DSG1: variants seen among roughly 807,000 people sequenced by gnomAD.
DSG1 encodes desmoglein 1, also known as desmoglein-1.
A neutral mutation model predicts 97.5 loss-of-function variants in DSG1; 39 were observed. The observed-to-expected ratio is 0.40, with a 90% CI of 0.31 to 0.52. The LOEUF is 0.52. DSG1 is among the 20% of genes least tolerant of loss of function. DSG1 has a pLI of 0.53. For missense variants in DSG1, 1,311 were observed against 1,295.4 expected (o/e 1.01, Z -0.18); for synonymous variants, 475 against 443.4 (o/e 1.07, Z -0.90).
intron 1 of DSG1, 84 bp downstream of exon 1, chr18:31,318,432 A>C: frequency 1.9e-6 from 2 of 1,048,858 alleles, no homozygotes; most frequent in Non-Finnish European, 3.0e-6. Flanking sequence ...AGTGGGCATT[A>C]TTTCTAACCT....
Position 31,355,082 on chromosome 18 carries a change from T to G in DSG1, c.2886T>G (p.Thr962=). ...GGGTTGTTTCTGGTGCTGGCGTAAC[T>G]GGAATTAGTGGCACCACTGGGATCA... ...TERVVSGAGV[T]GISGTTGISG... The change falls in exon 15 of 15, where the codon ACT becomes ACG. Residue 962 remains threonine, a synonymous_variant. Transcript: ENST00000257192. 6.2e-7 allele frequency: 1 copy of G among 1,614,134 alleles called. No homozygotes were observed. The highest frequency in any genetic ancestry group is 1.3e-5 in the African/African-American group (1 of 75,024).
chr18:31,326,772 A>G, intron 2 of DSG1, 102 bp from the exon 3 acceptor site: 3 of 1,444,692 alleles, frequency 2.1e-6, no homozygotes, highest in Non-Finnish European at 2.9e-6. Flanking sequence ...CCAATTAAAC[A>G]TCCTCTATTT....
chr18:31,320,418 T>A (rs1196016281), intron 1 of DSG1, among the ~76,000 whole-genome samples: 3 of 152,214 alleles, frequency 2.0e-5, no homozygotes, highest in African/African-American at 7.2e-5. Context: ...TAGTGTCTTT[T>A]AAGCAAATCT....
At chr18:31,327,553 A>G (rs1456184859) in intron 3 of DSG1, among the ~76,000 whole-genome samples, 1 of 152,086 alleles carries the variant, frequency 6.6e-6, no homozygotes, top group Non-Finnish European at 1.5e-5. Context: ...CCACACAGAC[A>G]CTCACAAATA....
intron 4 of DSG1, among the ~76,000 whole-genome samples, chr18:31,328,991 T>C (rs994537903): frequency 1.3e-5 from 2 of 152,146 alleles, no homozygotes; most frequent in Non-Finnish European, 2.9e-5. Flanking sequence ...GCAGTTGACC[T>C]TGTGACCAAC....
At chr18:31,328,772 A>T (rs7231346) in intron 4 of DSG1, among the ~76,000 whole-genome samples, 62,670 of 151,646 alleles carry the variant, frequency 0.41, 14,189 homozygotes, top group Non-Finnish European at 0.5. Context: ...AGGTCTAATG[A>T]CAAGTAAATG....
intron 1 of DSG1, among the ~76,000 whole-genome samples, chr18:31,318,813 A>T (rs1260810226): frequency 1.3e-5 from 2 of 152,086 alleles, no homozygotes; most frequent in Non-Finnish European, 2.9e-5. Context: ...AAATCGTAGC[A>T]GTTTGTGGCT....
intron 14 of DSG1, among the ~76,000 whole-genome samples, chr18:31,351,536 G>A (rs1450395747): frequency 6.6e-6 from 1 of 151,512 alleles, no homozygotes; most frequent in Non-Finnish European, 1.5e-5. Flanking sequence ...TTGACTTTCT[G>A]TCTCGTTGAT....
chr18:31,354,950 A>C lies in DSG1; in HGVS notation c.2754A>C (p.Ser918=). The change falls in exon 15 of 15, where the codon TCA becomes TCC. Residue 918 remains serine (S), a synonymous_variant. Transcript: ENST00000257192. ...SLTIHHPRES[S]NVVVTERVIQ... The stretch of plus-strand genomic sequence containing the variant: ...CTATCCATCATCCTAGAGAGTCTTC[A>C]AATGTGGTAGTGACAGAAAGAGTAA... 1 of 1,614,204 alleles carries C rather than the reference A, an allele frequency of 6.2e-7. No individual in the cohort carries two copies. The highest frequency in any genetic ancestry group is 8.5e-7 in the Non-Finnish European group (1 of 1,180,040).
intron 8 of DSG1, 141 bp downstream of exon 8, chr18:31,334,343 A>G: frequency 3.4e-6 from 2 of 588,450 alleles, no homozygotes; most frequent in Non-Finnish European, 5.9e-6. Context: ...TATATATAAC[A>G]TAGAGCTTTT....
intron 3 of DSG1, 144 bp downstream of exon 3, chr18:31,327,149 T>A: frequency 9.0e-7 from 1 of 1,107,514 alleles, no homozygotes; most frequent in Non-Finnish European, 1.3e-6. Flanking sequence ...TGATGAAAAC[T>A]GAAACTCATA....
At chr18:31,340,493 A>G (rs2071782094) in intron 11 of DSG1, among the ~76,000 whole-genome samples, 1 of 151,714 alleles carries the variant, frequency 6.6e-6, no homozygotes, top group South Asian at 2.1e-4. Context: ...CTCTAATCCC[A>G]GCTACTAAAG....
intron 9 of DSG1, among the ~76,000 whole-genome samples, chr18:31,337,265 T>C (rs577851207): frequency 6.6e-6 from 1 of 152,216 alleles, no homozygotes; most frequent in Non-Finnish European, 1.5e-5. Context: ...TTGTTGTTTG[T>C]TTGTTTTTTG....
At chr18:31,339,467 T>A (rs1292673983) in intron 10 of DSG1, among the ~76,000 whole-genome samples, 1 of 151,988 alleles carries the variant, frequency 6.6e-6, no homozygotes, top group Non-Finnish European at 1.5e-5. Context: ...AATTCTATAC[T>A]TTTCAAATTA....
intron 9 of DSG1, among the ~76,000 whole-genome samples, chr18:31,337,785 G>A (rs1053243119): frequency 6.6e-6 from 1 of 152,170 alleles, no homozygotes; most frequent in African/African-American, 2.4e-5. Flanking sequence ...GAAAAACACC[G>A]AAGTCAAAGA....
chr18:31,327,953 C>T (rs964631221), intron 3 of DSG1, among the ~76,000 whole-genome samples: 1 of 152,038 alleles, frequency 6.6e-6, no homozygotes. Context: ...GGTGATATTT[C>T]GCATTTTTTC....
At chr18:31,333,924 A>G in intron 7 of DSG1, 93 bp from the exon 8 acceptor site, 1 of 1,157,580 alleles carries the variant, frequency 8.6e-7, no homozygotes. Context: ...TATCTTTTCT[A>G]AATAATGAAG....
At chr18:31,328,794 A>G (rs371162511) in intron 4 of DSG1, among the ~76,000 whole-genome samples, 1 of 152,172 alleles carries the variant, frequency 6.6e-6, no homozygotes, top group South Asian at 2.1e-4. Context: ...TTCTAGAGCT[A>G]CTGCAGGACT....
intron 1 of DSG1, among the ~76,000 whole-genome samples, chr18:31,322,804 CA>C (rs1226630475): frequency 6.6e-6 from 1 of 152,112 alleles, no homozygotes. Context: ...TTATTAAATG[CA>C]AGAGATTTTT....
Sources: allele counts gnomAD v4.1 joint callset (sites outside exome capture counted in the v4.1 genomes callset), GRCh38; gene constraint gnomAD v4.1.1; transcripts MANE v1.5; gene names NCBI Gene and HGNC (gene_info 2026-07-23, HGNC 2026-07-21).